CHRNA7: variants seen among roughly 807,000 people sequenced by gnomAD.
CHRNA7 encodes neuronal acetylcholine receptor subunit alpha-7.
Under a neutral mutation model 48.0 loss-of-function variants are expected in CHRNA7, and 17 were observed. The ratio of observed to expected loss-of-function variants is 0.35; its 90% CI spans 0.24 to 0.53. CHRNA7 has a LOEUF of 0.53. CHRNA7 is among the 20% of genes least tolerant of loss of function. CHRNA7 has a pLI of 0.92. For synonymous variants in CHRNA7, 75 were observed against 242.3 expected (o/e 0.31, Z 6.41); for missense variants, 155 against 577.7 (o/e 0.27, Z 7.50).
chr15:32,031,941 G>C (rs1159674506), intron 2 of CHRNA7, among the ~76,000 whole-genome samples: 1 of 152,144 alleles, frequency 6.6e-6, no homozygotes. Context: ...CATTGGGAGG[G>C]AGAGCATGAT....
At chr15:32,110,883 A>G (rs1308913531) in intron 3 of CHRNA7, among the ~76,000 whole-genome samples, 1 of 152,104 alleles carries the variant, frequency 6.6e-6, no homozygotes, top group East Asian at 1.9e-4. Flanking sequence ...ACCTTTCTGG[A>G]TCTTGGAAAG....
chr15:32,040,177 T>C (rs11632581), intron 2 of CHRNA7, among the ~76,000 whole-genome samples: 1 of 152,060 alleles, frequency 6.6e-6, no homozygotes, highest in Non-Finnish European at 1.5e-5. Flanking sequence ...GCACATACAG[T>C]TGGGTCTTGT....
chr15:32,141,332 G>T (rs1470788825), intron 4 of CHRNA7, among the ~76,000 whole-genome samples: 2 of 152,178 alleles, frequency 1.3e-5, no homozygotes, highest in Non-Finnish European at 2.9e-5. Context: ...TAGCCTTGTA[G>T]TGTAGTTTGA....
At chr15:32,033,334 C>G (rs2141158587) in intron 2 of CHRNA7, among the ~76,000 whole-genome samples, 1 of 152,292 alleles carries the variant, frequency 6.6e-6, no homozygotes, top group African/African-American at 2.4e-5. Flanking sequence ...AAGGTCTGCT[C>G]CATCTTAATT....
At chr15:32,072,618 A>AAGACTGG (rs1244486914) in intron 2 of CHRNA7, among the ~76,000 whole-genome samples, 1 of 152,196 alleles carries the variant, frequency 6.6e-6, no homozygotes, top group Non-Finnish European at 1.5e-5. Flanking sequence ...CCTGGGAGGA[A>AAGACTGG]AGACTGGTTT....
intron 2 of CHRNA7, among the ~76,000 whole-genome samples, chr15:32,047,151 C>G (rs1234293481): frequency 3.8e-5 from 5 of 130,894 alleles, no homozygotes; most frequent in Non-Finnish European, 7.8e-5. Context: ...CTTGGTGATG[C>G]GGGCTCTTTT....
chr15:32,053,716 G>A (rs1196196924), intron 2 of CHRNA7, among the ~76,000 whole-genome samples: 1 of 152,142 alleles, frequency 6.6e-6, no homozygotes. Context: ...ACAGCTCCCA[G>A]GTAGCCAAAA....
At chr15:32,109,910 C>A (rs555861416) in intron 3 of CHRNA7, among the ~76,000 whole-genome samples, 3 of 152,246 alleles carry the variant, frequency 2.0e-5, no homozygotes, top group Admixed American at 6.5e-5. Flanking sequence ...GTGCCTTGGA[C>A]GAGGTCTGGG....
chr15:32,123,214 TAGA>T (rs1185216281), intron 4 of CHRNA7, among the ~76,000 whole-genome samples: 2 of 152,312 alleles, frequency 1.3e-5, no homozygotes, highest in Middle Eastern at 3.4e-3. Flanking sequence ...GACTAAGAAG[TAGA>T]AGAAGTAACA....
intron 2 of CHRNA7, among the ~76,000 whole-genome samples, chr15:32,086,821 T>C (rs907202047): frequency 2.0e-5 from 3 of 151,992 alleles, no homozygotes; most frequent in Non-Finnish European, 4.4e-5. Flanking sequence ...AATGGAGTAA[T>C]GTGTTTTGGG....
Position 32,149,172 on chromosome 15 carries a change from T to C in CHRNA7, c.351-4735T>C, listed in dbSNP as rs2051562902. ...ACTGTGGATGTACTGTGTCTTCCAG[T>C]AGTCAAAATAAAGAATATATTTGGC... On this transcript the variant is annotated intron_variant, in intron 4 of 9. Coordinates refer to ENST00000306901, the MANE Select transcript of CHRNA7 (RefSeq NM_000746.6). This position sits in a 1 kb window ranked among gnomAD's most constrained non-coding sequence, Gnocchi z 4.6. Among the ~76,000 whole-genome samples the C allele has an allele frequency of 6.6e-6, 1 of 152,220 alleles. No homozygotes were observed. Among genetic ancestry groups the C allele is most frequent in the Non-Finnish European group, 1.5e-5 (1 of 68,036 alleles).
At chr15:32,073,654 G>A (rs1157070213) in intron 2 of CHRNA7, among the ~76,000 whole-genome samples, 1 of 152,138 alleles carries the variant, frequency 6.6e-6, no homozygotes, top group Non-Finnish European at 1.5e-5. Flanking sequence ...GGGTCGTGGG[G>A]ATGGATCCCT....
chr15:32,150,951 G>A (rs530041366), intron 4 of CHRNA7, among the ~76,000 whole-genome samples: 79 of 152,010 alleles, frequency 5.2e-4, no homozygotes, highest in Non-Finnish European at 8.1e-4. Context: ...AAGTAAGGGG[G>A]GGGGATGTGT....
chr15:32,115,652 C>G (rs769497113), intron 4 of CHRNA7, among the ~76,000 whole-genome samples: 1 of 152,130 alleles, frequency 6.6e-6, no homozygotes, highest in Non-Finnish European at 1.5e-5. Context: ...CCCTGACACC[C>G]TCACCCCTGC....
chr15:32,136,419 A>C (rs2051257996), intron 4 of CHRNA7, among the ~76,000 whole-genome samples: 1 of 151,050 alleles, frequency 6.6e-6, no homozygotes, highest in Non-Finnish European at 1.5e-5. Context: ...TGAACCCAGG[A>C]GGCAGAGGTT....
chr15:32,078,369 T>C (rs943904236), intron 2 of CHRNA7, among the ~76,000 whole-genome samples: 1 of 152,174 alleles, frequency 6.6e-6, no homozygotes, highest in Admixed American at 6.5e-5. Context: ...TTTAGGTCTG[T>C]GATCCATTTT....
intron 3 of CHRNA7, among the ~76,000 whole-genome samples, chr15:32,105,116 A>G (rs1367258224): frequency 2.0e-5 from 3 of 152,254 alleles, no homozygotes; most frequent in Admixed American, 6.5e-5. Flanking sequence ...ATTTATTTCA[A>G]GCACAGCTAA....
chr15:32,040,491 C>T (rs1204582376), intron 2 of CHRNA7, among the ~76,000 whole-genome samples: 1 of 151,840 alleles, frequency 6.6e-6, no homozygotes, highest in Non-Finnish European at 1.5e-5. Flanking sequence ...TTACATTATA[C>T]CACTTCATGC....
chr15:32,065,715 C>T (rs572334669), intron 2 of CHRNA7, among the ~76,000 whole-genome samples: 3 of 152,278 alleles, frequency 2.0e-5, no homozygotes, highest in East Asian at 3.9e-4. Flanking sequence ...CTGTCAGCTG[C>T]CTGGCTGTGT....
Sources: gnomAD v4.1 joint callset for allele counts (sites outside exome capture counted in the v4.1 genomes callset) on GRCh38, gnomAD v4.1.1 for gene constraint, Gnocchi (gnomAD v3.1) non-coding constraint, MANE v1.5 for transcripts, NCBI Gene and HGNC (gene_info 2026-07-23, HGNC 2026-07-21) for gene names.